Variants in TENM2 observed in about 807,000 individuals in gnomAD.
TENM2 encodes teneurin transmembrane protein 2, also known as teneurin-2.
A neutral mutation model predicts 245.2 loss-of-function variants in TENM2; 52 were observed. That is an observed-to-expected ratio of 0.21 (90% CI 0.17 to 0.27). The LOEUF is 0.27. TENM2 is among the 10% of genes least tolerant of loss of function. TENM2 has a pLI of 1.00. For missense variants in TENM2, 3,046 were observed against 3,666.8 expected (o/e 0.83, Z 4.37); for synonymous variants, 1,363 against 1,438.9 (o/e 0.95, Z 1.19).
intron 27 of TENM2, among the ~76,000 whole-genome samples, chr5:168,257,340 A>T (rs1429359943): frequency 1.3e-5 from 2 of 152,120 alleles, no homozygotes; most frequent in Non-Finnish European, 2.9e-5. Flanking sequence ...AAGACTGAAA[A>T]GAGGAGGGAG....
At chr5:167,539,457 A>G (rs898919540) in intron 2 of TENM2, among the ~76,000 whole-genome samples, 7 of 152,240 alleles carry the variant, frequency 4.6e-5, no homozygotes, top group African/African-American at 1.7e-4. Context: ...TTCTGTAATG[A>G]CTTCTACTCT....
intron 27 of TENM2, among the ~76,000 whole-genome samples, chr5:168,257,314 C>A (rs934587824): frequency 1.4e-4 from 22 of 152,014 alleles, no homozygotes; most frequent in Admixed American, 7.9e-4. Flanking sequence ...CCTTACCGGG[C>A]AGGCAGAGTC....
intron 13 of TENM2, chr5:168,187,693 T>G (rs1448844615): frequency 2.0e-5 from 3 of 152,116 alleles, no homozygotes; most frequent in Non-Finnish European, 2.9e-5. Context: ...TCTATGCACT[T>G]TTTTTCTTCT....
intron 2 of TENM2, among the ~76,000 whole-genome samples, chr5:167,711,355 G>C (rs1408854765): frequency 3.3e-5 from 5 of 152,176 alleles, no homozygotes; most frequent in African/African-American, 4.8e-5. Context: ...CAGAAAAACT[G>C]TTTTAAATGT....
intron 2 of TENM2, among the ~76,000 whole-genome samples, chr5:167,492,267 T>A (rs1768478246): frequency 6.6e-6 from 1 of 152,080 alleles, no homozygotes; most frequent in Admixed American, 6.6e-5. Context: ...AAGAGAGATA[T>A]TATCATTCTC....
At chr5:168,111,397 A>T (rs1190492940) in intron 9 of TENM2, among the ~76,000 whole-genome samples, 1 of 152,036 alleles carries the variant, frequency 6.6e-6, no homozygotes, top group Non-Finnish European at 1.5e-5. Flanking sequence ...ACTGAAACCA[A>T]CTAAAGCGTC....
intron 2 of TENM2, among the ~76,000 whole-genome samples, chr5:167,392,546 A>C (rs1761818306): frequency 6.6e-6 from 1 of 152,166 alleles, no homozygotes; most frequent in Non-Finnish European, 1.5e-5. Flanking sequence ...CTTTCAGACC[A>C]AATCTATACC....
chr5:167,332,442 T>G (rs1363088296), intron 1 of TENM2, among the ~76,000 whole-genome samples: 3 of 152,118 alleles, frequency 2.0e-5, no homozygotes, highest in African/African-American at 7.2e-5. Context: ...TGCTGGTAAC[T>G]GCACCCGCCT....
intron 7 of TENM2, among the ~76,000 whole-genome samples, chr5:168,066,906 C>T (rs1251171759): frequency 6.6e-6 from 1 of 152,198 alleles, no homozygotes; most frequent in Non-Finnish European, 1.5e-5. Context: ...CAAAGGAAAT[C>T]TCAGAGGCAG....
exon 5 of TENM2, chr5:167,993,108 G>A (rs776973789): frequency 6.2e-7 from 1 of 1,614,000 alleles, no homozygotes; most frequent in Non-Finnish European, 8.5e-7. Context: ...TCCAAATACT[G>A]CAGCTGGAAA....
At chr5:168,183,380 C>CT (rs1760096939) in intron 13 of TENM2, among the ~76,000 whole-genome samples, 1 of 143,620 alleles carries the variant, frequency 7.0e-6, no homozygotes, top group Non-Finnish European at 1.5e-5. Flanking sequence ...AGGGGCCCAG[C>CT]ACAAAAAAAA....
chr5:167,918,939 T>G (rs1777150633), intron 3 of TENM2, among the ~76,000 whole-genome samples: 1 of 152,052 alleles, frequency 6.6e-6, no homozygotes, highest in Non-Finnish European at 1.5e-5. Flanking sequence ...AATTCATAAT[T>G]GGGTTTGCTG....
At chr5:167,246,776 G>C in the TENM2 span, among the ~76,000 whole-genome samples, 70 of 152,002 alleles carry the variant, frequency 4.6e-4, no homozygotes, top group Admixed American at 1.6e-3. Flanking sequence ...GGTTGGCGCG[G>C]GGTGTGGATG....
chr5:167,451,510 A>G (rs1322883625), intron 2 of TENM2, among the ~76,000 whole-genome samples: 2 of 152,172 alleles, frequency 1.3e-5, no homozygotes, highest in African/African-American at 4.8e-5. Context: ...GAAATAAGAG[A>G]AACAGAAAAG....
At chr5:167,074,437 A>G in the TENM2 span, among the ~76,000 whole-genome samples, 1 of 152,228 alleles carries the variant, frequency 6.6e-6, no homozygotes, top group Non-Finnish European at 1.5e-5. Context: ...GGAGGTGTTC[A>G]TAATACAATG....
At chr5:167,214,654 T>C in the TENM2 span, among the ~76,000 whole-genome samples, 56 of 152,080 alleles carry the variant, frequency 3.7e-4, no homozygotes, top group African/African-American at 1.4e-3. Context: ...TTAAGTAGAG[T>C]TGACATTCTG....
chr5:167,474,964 T>C (rs1767272417), intron 2 of TENM2, among the ~76,000 whole-genome samples: 1 of 152,222 alleles, frequency 6.6e-6, no homozygotes, highest in South Asian at 2.1e-4. Flanking sequence ...CCACCAAAAG[T>C]TTGCAAACCT....
chr5:167,826,262 A>G (rs1199105189), intron 2 of TENM2, among the ~76,000 whole-genome samples: 1 of 152,226 alleles, frequency 6.6e-6, no homozygotes, highest in Non-Finnish European at 1.5e-5. Flanking sequence ...CTTCTTCAAG[A>G]GTGCTTGGGT....
At chr5:168,213,714 G>C (rs1480436440) in intron 20 of TENM2, among the ~76,000 whole-genome samples, 1 of 152,002 alleles carries the variant, frequency 6.6e-6, no homozygotes, top group Non-Finnish European at 1.5e-5. Context: ...TGCACCTGTA[G>C]TTTCAACTAC....
Sources: allele counts gnomAD v4.1 joint callset (sites outside exome capture counted in the v4.1 genomes callset), GRCh38; gene constraint gnomAD v4.1.1; transcripts MANE v1.5; gene names NCBI Gene and HGNC (gene_info 2026-07-23, HGNC 2026-07-21).